The following PPM1L variants were observed in gnomAD, a reference collection of about 807,000 sequenced individuals.
PPM1L encodes the protein protein phosphatase 1L.
A neutral mutation model predicts 31.4 loss-of-function variants in PPM1L; 13 were observed. The ratio of observed to expected loss-of-function variants is 0.41; its 90% CI spans 0.27 to 0.66. The LOEUF (loss-of-function observed/expected upper bound fraction) is 0.66, where lower values mean the gene tolerates loss of function less well. Ranked by LOEUF, PPM1L falls within the 30% of genes least tolerant of loss-of-function variation. PPM1L has a pLI of 0.29. For missense variants in PPM1L, 326 were observed against 453.7 expected, an observed-to-expected ratio of 0.72 and a Z score of 2.56; for synonymous variants, 184 against 175.4, an observed-to-expected ratio of 1.05 and a Z score of -0.39.
intron 2 of PPM1L, among the ~76,000 whole-genome samples, chr3:160,996,297 C>T (rs1046330630): frequency 6.6e-6 from 1 of 152,048 alleles, no homozygotes; most frequent in Admixed American, 6.6e-5. Context: ...GGGTATCTAC[C>T]CAGAGGAAAA....
intron 1 of PPM1L, among the ~76,000 whole-genome samples, chr3:160,769,777 T>C (rs1261605443): frequency 6.6e-6 from 1 of 152,194 alleles, no homozygotes; most frequent in African/African-American, 2.4e-5. Context: ...ATTTTTGTTC[T>C]TTAATTATTA....
intron 1 of PPM1L, among the ~76,000 whole-genome samples, chr3:160,847,815 C>G (rs140307960): frequency 3.9e-4 from 59 of 152,280 alleles, no homozygotes; most frequent in Non-Finnish European, 6.8e-4. Context: ...TGGGCCTTTT[C>G]CAGATTCTTC....
chr3:161,058,355 C>A (rs899917331), intron 2 of PPM1L, among the ~76,000 whole-genome samples: 3 of 151,644 alleles, frequency 2.0e-5, no homozygotes, highest in Admixed American at 2.0e-4. Flanking sequence ...GAACTCCTAA[C>A]CTCAGGTAAT....
chr3:160,792,488 G>A (rs796265206), intron 1 of PPM1L, among the ~76,000 whole-genome samples: 173 of 151,382 alleles, frequency 1.1e-3, no homozygotes, highest in African/African-American at 4.0e-3. Context: ...TTTACACCCA[G>A]TTTATTATTA....
rs1028860483 is a variant in PPM1L at position 161,065,572 on chromosome 3, T to C, written c.736+8T>C. 6.2e-7 allele frequency: 1 copy of C among 1,611,558 alleles called. No homozygotes were observed. Among genetic ancestry groups the C allele is most frequent in the African/African-American group, 1.3e-5 (1 of 74,810 alleles). On this transcript the variant is annotated splice_region_variant and intron_variant, in intron 3 of 3. Coordinates refer to ENST00000498165, the MANE Select transcript of PPM1L (RefSeq NM_139245.4). ...AGAGGATAAAGAGAGCAGGTGAGCT[T>C]GTGAACACCTCCAAGAAATGTCTGC...
chr3:160,867,407 A>C (rs1264557338), intron 1 of PPM1L, among the ~76,000 whole-genome samples: 1 of 148,544 alleles, frequency 6.7e-6, no homozygotes, highest in East Asian at 2.0e-4. Context: ...GATTTTAAGG[A>C]CATGTATCTA....
chr3:160,912,697 G>T (rs544471864), intron 1 of PPM1L, among the ~76,000 whole-genome samples: 2 of 152,142 alleles, frequency 1.3e-5, no homozygotes, highest in African/African-American at 4.8e-5. Context: ...ATGAAGAAGC[G>T]ATAATTATAG....
At chr3:160,975,515 T>G (rs1202312767) in intron 2 of PPM1L, among the ~76,000 whole-genome samples, 1 of 152,208 alleles carries the variant, frequency 6.6e-6, no homozygotes, top group African/African-American at 2.4e-5. Context: ...GCATGGAATG[T>G]TCTTCCATTT....
intron 2 of PPM1L, among the ~76,000 whole-genome samples, chr3:160,970,290 G>T (rs1278355243): frequency 6.6e-6 from 1 of 152,082 alleles, no homozygotes; most frequent in African/African-American, 2.4e-5. Flanking sequence ...TAATGCAGAC[G>T]ATTACTAGCC....
chr3:160,843,316 G>A (rs933368735), intron 1 of PPM1L, among the ~76,000 whole-genome samples: 2 of 149,992 alleles, frequency 1.3e-5, no homozygotes, highest in South Asian at 2.1e-4. Flanking sequence ...TCCAACCCGC[G>A]GTCCATGTGC....
chr3:160,784,516 T>G (rs750044786), intron 1 of PPM1L, among the ~76,000 whole-genome samples: 15 of 152,168 alleles, frequency 9.9e-5, no homozygotes, highest in Non-Finnish European at 2.1e-4. Context: ...AGCCACACAA[T>G]GTAAAATGAG....
intron 1 of PPM1L, among the ~76,000 whole-genome samples, chr3:160,842,447 C>T (rs114736886): frequency 6.6e-4 from 100 of 152,164 alleles, no homozygotes; most frequent in African/African-American, 2.2e-3. Flanking sequence ...AATGGATGAA[C>T]AGTGAAGGTT....
intron 2 of PPM1L, among the ~76,000 whole-genome samples, chr3:161,043,766 G>A (rs564729186): frequency 1.5e-4 from 23 of 152,118 alleles, no homozygotes; most frequent in Non-Finnish European, 1.6e-4. Context: ...TCTCTCTGAT[G>A]CACTGGAAAC....
chr3:160,781,505 T>A lies in PPM1L; in HGVS notation c.399+24798T>A, dbSNP rs544497835. The stretch of plus-strand genomic sequence containing the variant: ...GTATTAAAAGAAAAGGAAAATGGCC[T>A]AGCTGCACAGACCTCTTAGATGTCC... On this transcript the variant is annotated intron_variant, in intron 1 of 3. Transcript: ENST00000498165. Among the ~76,000 whole-genome samples, 12 of 152,304 alleles carry A rather than the reference T, an allele frequency of 7.9e-5. No homozygotes were observed. In the East Asian group the frequency reaches 2.3e-3, roughly 29 times the overall value.
chr3:160,938,241 G>A lies in PPM1L; in HGVS notation c.400-23495G>A, dbSNP rs1472830671. On this transcript the variant is annotated intron_variant, in intron 1 of 3. Coordinates refer to ENST00000498165, the MANE Select transcript of PPM1L (RefSeq NM_139245.4). Reference sequence around the variant, plus strand: ...GCCATCTGATTTCTTAGCTGGTTCTGTTAATTCAATAATGGCGTCCTACTA... The same window carrying A: ...GCCATCTGATTTCTTAGCTGGTTCTATTAATTCAATAATGGCGTCCTACTA... 5.9e-5 allele frequency among the ~76,000 whole-genome samples: 9 copies of A among 152,282 alleles called. No homozygotes were observed. In the East Asian group the frequency reaches 7.7e-4, roughly 13 times the overall value.
At chr3:160,864,639 G>A (rs988807852) in intron 1 of PPM1L, among the ~76,000 whole-genome samples, 1 of 152,176 alleles carries the variant, frequency 6.6e-6, no homozygotes, top group Non-Finnish European at 1.5e-5. Context: ...TTGAGCATCT[G>A]TCATTCACCA....
Position 161,071,276 on chromosome 3 carries a change from ACTTT to A in PPM1L, c.*2124_*2127del, listed in dbSNP as rs1313460841. On this transcript the variant is annotated 3_prime_UTR_variant, in exon 4 of 4. Coordinates refer to ENST00000498165, the MANE Select transcript of PPM1L (RefSeq NM_139245.4). ...GTCAGCACTTTACAGCCCATAGCCA[ACTTT>A]CTTTATTTTTAACGTAGCACAAAAA... 11 of 152,222 alleles carry A rather than the reference ACTTT, an allele frequency of 7.2e-5. No homozygotes were observed. Among genetic ancestry groups the A allele is most frequent in the Non-Finnish European group, 1.5e-5 (1 of 68,046 alleles). 9.4% of individuals were successfully genotyped at this position (152,222 alleles called of 1,614,324 possible).
chr3:160,836,099 C>T (rs553720022), intron 1 of PPM1L, among the ~76,000 whole-genome samples: 2 of 152,198 alleles, frequency 1.3e-5, no homozygotes, highest in South Asian at 4.2e-4. Flanking sequence ...TAGGCTCTAA[C>T]TATGACAGAT....
rs71628438 is a variant in PPM1L at position 160,989,977 on chromosome 3, T to TTTTTGTTTTGTTTTGTTTTG, written c.574+28082_574+28101dup. Among the ~76,000 whole-genome samples, 39 of 146,694 alleles carry TTTTTGTTTTGTTTTGTTTTG rather than the reference T, an allele frequency of 2.7e-4. 1 individual carries two copies. The highest frequency in any genetic ancestry group is 9.4e-4 in the African/African-American group (37 of 39,178). On this transcript the variant is annotated intron_variant, in intron 2 of 3. Transcript: ENST00000498165. ...AGTGCACCCAGCCATAGCAACGTTG[T>TTTTTGTTTTGTTTTGTTTTG]TTTTGTTTTGTTTTGTTTTGTTTTG...
Sources: gnomAD v4.1 joint callset for allele counts (sites outside exome capture counted in the v4.1 genomes callset) on GRCh38, gnomAD v4.1.1 for gene constraint, MANE v1.5 for transcripts, NCBI Gene and HGNC (gene_info 2026-07-23, HGNC 2026-07-21) for gene names.